The following NLRP10 variants were observed in gnomAD, a reference collection of about 807,000 sequenced individuals.
NLRP10 encodes the protein NLR family pyrin domain containing 10.
In NLRP10, 7 loss-of-function variants were observed where a neutral mutation model predicts 8.2. The ratio of observed to expected loss-of-function variants is 0.85; its 90% CI spans 0.48 to 1.60. The LOEUF (loss-of-function observed/expected upper bound fraction) is 1.60. NLRP10 is among the 40% of genes most tolerant of loss of function. The pLI, the probability that NLRP10 is intolerant of heterozygous loss-of-function variation, is 0.00. For missense variants in NLRP10, 814 were observed against 776.3 expected (o/e 1.05, Z -0.58); for synonymous variants, 338 against 314.0 (o/e 1.08, Z -0.81).
chr11:7,960,275 A>G lies in NLRP10; in HGVS notation c.1337T>C (p.Phe446Ser), dbSNP rs143403695. 4.1e-4 allele frequency: 661 copies of G among 1,614,018 alleles called. No homozygotes were observed. Among genetic ancestry groups the G allele is most frequent in the Non-Finnish European group, 4.8e-4 (565 of 1,180,032 alleles). Reference protein sequence around the residue: ...HNLDGPRLAAFLSSNDYQLGL... With the variant: ...HNLDGPRLAASLSSNDYQLGL... ...CAATTGGTAGTCGTTACTACTCAGG[A>G]AAGCGGCAAGCCTGGGGCCATCTAA... is the stretch of plus-strand genomic sequence containing the variant. Residue 446 changes from phenylalanine to serine, a missense_variant, in exon 3 of 3, where the codon TTC becomes TCC. By Grantham distance (155) the Phe-to-Ser change is radical. Transcript: ENST00000691676.
In NLRP10 at chr11:7,957,795, A is replaced by C. The variant is rs567118310; in HGVS notation, c.*1849T>G. Among the ~76,000 whole-genome samples the C allele has an allele frequency of 6.6e-6, 1 of 152,146 alleles. No individual in the cohort carries two copies. Among genetic ancestry groups the C allele is most frequent in the Non-Finnish European group, 1.5e-5 (1 of 68,010 alleles). ...CAGCTCTATGCGTTTTGAAAAATTT[A>C]TGTCATGACTCCATCATTATAATAT... On this transcript the variant is annotated 3_prime_UTR_variant, in exon 3 of 3. Coordinates refer to ENST00000691676, the MANE Select transcript of NLRP10 (RefSeq NM_001391958.1).
In NLRP10 at chr11:7,959,734, CTCCTTCTGTCCA is replaced by C. The variant is rs751525802; in HGVS notation, c.1866_1877del (p.His622_Glu626delinsGln). The C allele has an allele frequency of 5.0e-6, 8 of 1,612,700 alleles. No individual in the cohort carries two copies. Among genetic ancestry groups the C allele is most frequent in the Non-Finnish European group, 5.1e-6 (6 of 1,179,618 alleles). On this transcript the variant is annotated inframe_deletion, in exon 3 of 3. Coordinates refer to ENST00000691676, the MANE Select transcript of NLRP10 (RefSeq NM_001391958.1). ...GTGTTCCTGCTATATTATCTTTGCC[CTCCTTCTGTCCA>C]TGGACAGAAGGACATTTTTGCTCCT... is the stretch of plus-strand genomic sequence containing the variant.
Position 7,960,598 on chromosome 11 carries a change from G to A in NLRP10, c.1014C>T (p.Phe338=). The A allele has an allele frequency of 1.9e-6, 3 of 1,614,144 alleles. No individual in the cohort carries two copies. The highest frequency in any genetic ancestry group is 1.1e-5 in the South Asian group (1 of 91,080). Residue 338 remains phenylalanine, a synonymous_variant, in exon 3 of 3, where the codon TTC becomes TTT. Coordinates refer to ENST00000691676, the MANE Select transcript of NLRP10 (RefSeq NM_001391958.1). ...FTDEKQADRA[F]DIVQKNDILY... is the part of the protein sequence containing the mutation. ...GAATGTCATTTTTCTGTACAATGTC[G>A]AAGGCACGGTCAGCTTGCTTCTCAT...
intron 2 of NLRP10, among the ~76,000 whole-genome samples, chr11:7,962,331 G>GT (rs1399382601): frequency 7.2e-6 from 1 of 139,300 alleles, no homozygotes; most frequent in Non-Finnish European, 1.5e-5. Context: ...CGCCTCCCGG[G>GT]TTCACGCCAT....
In NLRP10 at chr11:7,958,893, T is replaced by A. The variant is rs1047209889; in HGVS notation, c.*751A>T. Among the ~76,000 whole-genome samples the A allele has an allele frequency of 6.6e-6, 1 of 152,180 alleles. No individual in the cohort carries two copies. The highest frequency in any genetic ancestry group is 1.5e-5 in the Non-Finnish European group (1 of 68,040). On this transcript the variant is annotated 3_prime_UTR_variant, in exon 3 of 3. Coordinates refer to ENST00000691676, the MANE Select transcript of NLRP10 (RefSeq NM_001391958.1). ...TTTTACCCAAGTCTTTTATCAGATA[T>A]GTGTTTGCAAATATTTTCTCCCAGT... is the stretch of plus-strand genomic sequence containing the variant.
Position 7,959,429 on chromosome 11 carries a change from C to G in NLRP10, c.*215G>C, listed in dbSNP as rs1941674833. ...TGCCTTTGCACATAAACATTAGAAT[C>G]ATCTTATCAATGTCCACAAAGTTAT... On this transcript the variant is annotated 3_prime_UTR_variant, in exon 3 of 3. Coordinates refer to ENST00000691676, the MANE Select transcript of NLRP10 (RefSeq NM_001391958.1). 2.1e-6 allele frequency: 1 copy of G among 475,312 alleles called. No homozygotes were observed. Among genetic ancestry groups the G allele is most frequent in the Non-Finnish European group, 3.7e-6 (1 of 273,728 alleles). 29.4% of individuals were successfully genotyped at this position (475,312 alleles called of 1,614,324 possible).
intron 1 of NLRP10, chr11:7,963,781 A>T (rs1941773725): frequency 1.3e-5 from 3 of 228,406 alleles, no homozygotes; most frequent in Non-Finnish European, 1.4e-5. Flanking sequence ...TTAATCTCTC[A>T]ATCTCTCTCT....
At position 7,958,255 on chromosome 11, in the gene NLRP10, T is replaced by G. The variant is rs1941653581; in HGVS notation, c.*1389A>C. Reference sequence around the variant, plus strand: ...TATCTAGGAGCATAATTGCTAGATCTTACATATAGTAAAACTATGTTTAGC... The same window carrying G: ...TATCTAGGAGCATAATTGCTAGATCGTACATATAGTAAAACTATGTTTAGC... On this transcript the variant is annotated 3_prime_UTR_variant, in exon 3 of 3. Transcript: ENST00000691676. Among the ~76,000 whole-genome samples, 1 of 152,218 alleles carries G rather than the reference T, an allele frequency of 6.6e-6. No individual in the cohort carries two copies. Among genetic ancestry groups the G allele is most frequent in the Middle Eastern group, 3.2e-3 (1 of 316 alleles).
chr11:7,965,147 C>G (rs759910387), intron 1 of NLRP10, 99 bp downstream of exon 1: 2 of 152,194 alleles, frequency 1.3e-5, no homozygotes, highest in Non-Finnish European at 2.9e-5. Context: ...CTCAGGGCTT[C>G]CCTGCAAATT....
Position 7,959,478 on chromosome 11 carries a change from G to T in NLRP10, c.*166C>A, listed in dbSNP as rs1201473747. ...ATTTGCTGGGATCTTGATTGGGATT[G>T]CATTGAATCTACAGATCAAACTGGG... On this transcript the variant is annotated 3_prime_UTR_variant, in exon 3 of 3. Transcript: ENST00000691676. 3 of 515,560 alleles carry T rather than the reference G, an allele frequency of 5.8e-6. No homozygotes were observed. Among genetic ancestry groups the T allele is most frequent in the African/African-American group, 4.0e-5 (2 of 50,502 alleles). 31.9% of individuals were successfully genotyped at this position (515,560 alleles called of 1,614,324 possible).
chr11:7,963,420 T>C lies in NLRP10; in HGVS notation c.76A>G (p.Lys26Glu), dbSNP rs1051203336. The change falls in exon 2 of 3, where the codon AAG becomes GAG. Residue 26 changes from lysine (K) to glutamate (E), a missense_variant. Physicochemically the swap from Lys to Glu is moderately conservative, Grantham distance 56. Coordinates refer to ENST00000691676, the MANE Select transcript of NLRP10 (RefSeq NM_001391958.1). ...ALSDLEENDF[K>E]KLKFYLRDMT... ...TCCCGTAAGTAGAACTTTAACTTCT[T>C]GAAATCGTTCTCCTCAAGGTCACTC... The C allele has an allele frequency of 7.5e-5, 121 of 1,614,032 alleles. No individual in the cohort carries two copies. The highest frequency in any genetic ancestry group is 9.3e-5 in the Non-Finnish European group (110 of 1,180,024).
chr11:7,961,289 C>T lies in NLRP10; in HGVS notation c.323G>A (p.Cys108Tyr). 2 of 1,597,214 alleles carry T rather than the reference C, an allele frequency of 1.3e-6. No homozygotes were observed. Among genetic ancestry groups the T allele is most frequent in the South Asian group, 2.2e-5 (2 of 89,386 alleles). Residue 108 changes from cysteine (C) to tyrosine (Y), a missense_variant, in exon 3 of 3, where the codon TGC becomes TAC. Cys to Tyr is a radical substitution (Grantham distance 194). Coordinates refer to ENST00000691676, the MANE Select transcript of NLRP10 (RefSeq NM_001391958.1). Reference sequence around the variant, plus strand: ...TCCTGCTTCCTGCCATTCCTCTAGGCAGCGCACATGCTCTCGGTATACTTC... The same window carrying T: ...TCCTGCTTCCTGCCATTCCTCTAGGTAGCGCACATGCTCTCGGTATACTTC... ...YREVYREHVR[C>Y]LEEWQEAGVN...
chr11:7,963,360 TG>T lies in NLRP10; in HGVS notation c.135del (p.Arg46GlufsTer7), dbSNP rs1393229952. On this transcript the variant is annotated frameshift_variant, in exon 2 of 3. Coordinates refer to ENST00000691676, the MANE Select transcript of NLRP10 (RefSeq NM_001391958.1). LOFTEE classifies it high-confidence loss of function. ...GGAATCAGGCCCTCCAACTCCCCTC[TG>T]GCCAGTGGGGGCTGGCCCTCAGACA... ...MTLSEGQPPL[A>X]RGELEGLIPV... 1.2e-6 allele frequency: 2 copies of T among 1,614,074 alleles called. No individual in the cohort carries two copies. Among genetic ancestry groups the T allele is most frequent in the African/African-American group, 2.7e-5 (2 of 74,936 alleles).
intron 2 of NLRP10, among the ~76,000 whole-genome samples, chr11:7,962,296 C>T (rs868741292): frequency 5.2e-5 from 6 of 116,324 alleles, no homozygotes; most frequent in Non-Finnish European, 8.1e-5. Flanking sequence ...AGTGCAGTGG[C>T]GCGATCTCGA....
intron 2 of NLRP10, among the ~76,000 whole-genome samples, chr11:7,961,945 T>C (rs1351180439): frequency 6.6e-6 from 1 of 152,022 alleles, no homozygotes; most frequent in African/African-American, 2.4e-5. Context: ...CCCACGGTAA[T>C]GAACGAGTTC....
intron 1 of NLRP10, among the ~76,000 whole-genome samples, chr11:7,963,860 T>A (rs56159934): frequency 0.29 from 43,801 of 149,302 alleles, 6,698 homozygotes; most frequent in Non-Finnish European, 0.34. Flanking sequence ...TCTCAACACG[T>A]TCTTTATTAG....
rs1185780526 is a variant in NLRP10, at chr11:7,960,843, G to T, written c.769C>A (p.Pro257Thr). The T allele has an allele frequency of 6.2e-6, 10 of 1,613,872 alleles. 1 individual carries two copies. The Middle Eastern group carries it at 4.9e-4, about 80-fold the overall frequency. The change falls in exon 3 of 3, where the codon CCC (proline) becomes ACC (threonine). Residue 257 changes from proline (P) to threonine (T), a missense_variant. By Grantham distance (38) the Pro-to-Thr change is conservative. Transcript: ENST00000691676. ...CTCTTCTTCAACTTTTCTTCAAAGG[G>T]CCTCTGCAGCTCATCAAAGCCATCC... ...ILDGFDELQR[P>T]FEEKLKKRGL...
At chr11:7,964,571 A>C (rs1941790121) in intron 1 of NLRP10, among the ~76,000 whole-genome samples, 1 of 152,220 alleles carries the variant, frequency 6.6e-6, no homozygotes, top group African/African-American at 2.4e-5. Context: ...ATGGTTTTTC[A>C]GAGTTTTCCA....
At position 7,963,215 on chromosome 11, in the gene NLRP10, C is replaced by G; in HGVS notation, c.281G>C (p.Cys94Ser). 1 of 1,613,970 alleles carries G rather than the reference C, an allele frequency of 6.2e-7. No homozygotes were observed. Among genetic ancestry groups the G allele is most frequent in the Non-Finnish European group, 8.5e-7 (1 of 1,179,884 alleles). The change falls in exon 2 of 3, where the codon TGT (cysteine) becomes TCT (serine). Residue 94 changes from cysteine to serine, a missense_variant. Physicochemically the swap from Cys to Ser is moderately radical, Grantham distance 112 (BLOSUM62 -1). Coordinates refer to ENST00000691676, the MANE Select transcript of NLRP10 (RefSeq NM_001391958.1). ...LELVDQLSHI[C>S]LHDYREVYRE... Reference sequence around the variant, plus strand: ...CCCCGCTCCACACTCACCATGCAGACAAATATGGCTGAGCTGGTCCACAAG... The same window carrying G: ...CCCCGCTCCACACTCACCATGCAGAGAAATATGGCTGAGCTGGTCCACAAG...
Sources: allele counts gnomAD v4.1 joint callset (sites outside exome capture counted in the v4.1 genomes callset), GRCh38; gene constraint gnomAD v4.1.1; transcripts MANE v1.5; gene names NCBI Gene and HGNC (gene_info 2026-07-23, HGNC 2026-07-21).